MAMDC2: variants seen among roughly 807,000 people sequenced by gnomAD.
MAMDC2 encodes MAM domain containing 2, also known as MAM domain-containing protein 2.
A neutral mutation model predicts 89.8 loss-of-function variants in MAMDC2; 57 were observed. That is an observed-to-expected ratio of 0.63 (90% CI 0.51 to 0.79). MAMDC2 has a LOEUF of 0.79. Among genes scored for constraint, MAMDC2 ranks in the 30% least tolerant of loss-of-function variants. The pLI is 0.00. For synonymous variants in MAMDC2, 313 were observed against 293.4 expected (o/e 1.07, Z -0.68); for missense variants, 800 against 820.6 (o/e 0.97, Z 0.31).
At chr9:70,221,158 T>A (rs1331126794) in intron 12 of MAMDC2, among the ~76,000 whole-genome samples, 1 of 150,998 alleles carries the variant, frequency 6.6e-6, no homozygotes, top group Non-Finnish European at 1.5e-5. Context: ...AAGTTCTTAT[T>A]TGTTTGGAAT....
chr9:70,225,439 A>C (rs73452742), intron 12 of MAMDC2, among the ~76,000 whole-genome samples: 1,809 of 152,116 alleles, frequency 0.012, 27 homozygotes, highest in African/African-American at 0.04. Context: ...AGAGTGTTCC[A>C]ATTGGGAAGA....
At chr9:70,149,665 T>C (rs887026151) in intron 9 of MAMDC2, among the ~76,000 whole-genome samples, 1 of 152,150 alleles carries the variant, frequency 6.6e-6, no homozygotes, top group Non-Finnish European at 1.5e-5. Flanking sequence ...GAAGGATCAG[T>C]TGGGCGGTGC....
chr9:70,220,740 T>C (rs1000580601), intron 12 of MAMDC2, among the ~76,000 whole-genome samples: 4 of 152,118 alleles, frequency 2.6e-5, no homozygotes, highest in Non-Finnish European at 5.9e-5. Context: ...CCTCCTACCA[T>C]AGAAGTTCCA....
At chr9:70,210,436 C>A (rs919161914) in intron 11 of MAMDC2, among the ~76,000 whole-genome samples, 2 of 152,150 alleles carry the variant, frequency 1.3e-5, no homozygotes, top group African/African-American at 4.8e-5. Flanking sequence ...TCTGTTTTAT[C>A]GAAGACTAGG....
rs946411794 is a variant in MAMDC2, at chr9:70,165,260, C to T, written c.1405-3442C>T. Among the ~76,000 whole-genome samples the T allele has an allele frequency of 6.6e-5, 10 of 152,156 alleles. No homozygotes were observed. The South Asian group carries it at 1.4e-3, about 22-fold the overall frequency. ...TGCCTCAACCAGGCCCACTCATCCG[C>T]TTGCCCAGTCACCAACTACCCTAAA... On this transcript the variant is annotated intron_variant, in intron 9 of 13. Transcript: ENST00000377182.
chr9:70,212,018 TTAAG>T (rs1332861202), intron 11 of MAMDC2, among the ~76,000 whole-genome samples: 3 of 152,190 alleles, frequency 2.0e-5, no homozygotes, highest in Non-Finnish European at 2.9e-5. Flanking sequence ...CCCAGCTGTA[TTAAG>T]TGTCAGTTGG....
intron 9 of MAMDC2, among the ~76,000 whole-genome samples, chr9:70,166,706 A>C (rs2032189874): frequency 6.6e-6 from 1 of 152,196 alleles, no homozygotes; most frequent in Non-Finnish European, 1.5e-5. Flanking sequence ...TATAGTAAAC[A>C]TATGAAAGCA....
chr9:70,095,528 T>C (rs993341823), intron 2 of MAMDC2, among the ~76,000 whole-genome samples: 7 of 152,196 alleles, frequency 4.6e-5, no homozygotes, highest in African/African-American at 1.2e-4. Context: ...GATTTCTTGA[T>C]TGATCACTAG....
chr9:70,100,274 T>G (rs1004878892), intron 2 of MAMDC2, among the ~76,000 whole-genome samples: 2 of 152,230 alleles, frequency 1.3e-5, no homozygotes, highest in Non-Finnish European at 2.9e-5. Context: ...TCAGATAATA[T>G]AATTAACTTG....
At position 70,046,497 on chromosome 9, in the gene MAMDC2, T is replaced by C. The variant is rs550211603; in HGVS notation, c.148+1800T>C. On this transcript the variant is annotated intron_variant, in intron 2 of 13. Transcript: ENST00000377182. ...CCAGGAGCCTTAGTTAGTCTCTGAG[T>C]TCCTGCCTCCGGCCCTCTGTCAGGA... 1.9e-3 allele frequency among the ~76,000 whole-genome samples: 284 copies of C among 152,312 alleles called. 2 individuals are homozygous for C. Among genetic ancestry groups the C allele is most frequent in the African/African-American group, 6.5e-3 (271 of 41,586 alleles).
intron 2 of MAMDC2, among the ~76,000 whole-genome samples, chr9:70,064,995 A>G (rs578000513): frequency 1.4e-4 from 22 of 152,334 alleles, no homozygotes; most frequent in African/African-American, 5.3e-4. Context: ...CTTCATGTGA[A>G]TTAATATTTA....
At chr9:70,174,809 C>T (rs1245921299) in intron 11 of MAMDC2, among the ~76,000 whole-genome samples, 1 of 150,540 alleles carries the variant, frequency 6.6e-6, no homozygotes, top group Non-Finnish European at 1.5e-5. Context: ...ACTGCAACTT[C>T]CACCTCCCGG....
At chr9:70,046,988 T>C (rs376132113) in intron 2 of MAMDC2, among the ~76,000 whole-genome samples, 3 of 152,314 alleles carry the variant, frequency 2.0e-5, no homozygotes, top group African/African-American at 7.2e-5. Flanking sequence ...GAATTTCCCT[T>C]ATAAGCCCAT....
chr9:70,099,057 A>G (rs1828096470), intron 2 of MAMDC2, among the ~76,000 whole-genome samples: 1 of 152,226 alleles, frequency 6.6e-6, no homozygotes, highest in South Asian at 2.1e-4. Flanking sequence ...AAATAATAGT[A>G]AAATTGGAAA....
intron 11 of MAMDC2, among the ~76,000 whole-genome samples, chr9:70,198,183 C>T (rs2309639): frequency 0.076 from 610 of 8,018 alleles, 5 homozygotes; most frequent in South Asian, 0.22. Flanking sequence ...TATATATATA[C>T]ACACACACAC....
rs1826670676 is a variant in MAMDC2 at position 70,044,085 on chromosome 9, C to G, written c.-113C>G. 1 of 1,308,882 alleles carries G rather than the reference C, an allele frequency of 7.6e-7. No individual in the cohort carries two copies. Among genetic ancestry groups the G allele is most frequent in the Non-Finnish European group, 1.1e-6 (1 of 920,422 alleles). The allele number at this position is 1,308,882 out of a possible 1,614,324, so 81.1% of individuals were successfully genotyped here. On this transcript the variant is annotated 5_prime_UTR_variant, in exon 1 of 14. Transcript: ENST00000377182. Reference sequence around the variant, plus strand: ...GCAAGCTTTGCCTCTCGACTTCTCCCTCCTTGGGTCCCCGGCGCCCCCGCC... The same window carrying G: ...GCAAGCTTTGCCTCTCGACTTCTCCGTCCTTGGGTCCCCGGCGCCCCCGCC...
intron 2 of MAMDC2, among the ~76,000 whole-genome samples, chr9:70,059,354 T>C (rs1827095592): frequency 6.6e-6 from 1 of 152,142 alleles, no homozygotes; most frequent in Non-Finnish European, 1.5e-5. Context: ...ATGAAGAAAC[T>C]AGGGTTTAGA....
At chr9:70,177,713 GACTT>G (rs1476299218) in intron 11 of MAMDC2, among the ~76,000 whole-genome samples, 1 of 152,110 alleles carries the variant, frequency 6.6e-6, no homozygotes, top group African/African-American at 2.4e-5. Flanking sequence ...GTGGAGCAAA[GACTT>G]AATCTCACAT....
At chr9:70,104,843 A>G (rs1284828841) in intron 2 of MAMDC2, among the ~76,000 whole-genome samples, 1 of 152,162 alleles carries the variant, frequency 6.6e-6, no homozygotes, top group Non-Finnish European at 1.5e-5. Context: ...GTTATGGTGA[A>G]AATGTTCTGG....
Sources: allele counts gnomAD v4.1 joint callset (sites outside exome capture counted in the v4.1 genomes callset), GRCh38; gene constraint gnomAD v4.1.1; transcripts MANE v1.5; gene names NCBI Gene and HGNC (gene_info 2026-07-23, HGNC 2026-07-21).